Variants in DENND1A observed in about 807,000 individuals in gnomAD.
DENND1A encodes DENN domain containing 1A, also known as DENN domain-containing protein 1A.
In DENND1A, 51 loss-of-function variants were observed where a neutral mutation model predicts 113.7. The ratio of observed to expected loss-of-function variants is 0.45; its 90% confidence interval spans 0.36 to 0.57. The LOEUF (loss-of-function observed/expected upper bound fraction) is 0.57, where lower values mean the gene tolerates loss of function less well. Among genes scored for constraint, DENND1A ranks in the 20% least tolerant of loss-of-function variants. DENND1A has a pLI of 0.00. For missense variants in DENND1A, 1,258 were observed against 1,395.9 expected, an observed-to-expected ratio of 0.90 and a Z score of 1.57; for synonymous variants, 565 against 570.8, an observed-to-expected ratio of 0.99 and a Z score of 0.14.
At chr9:123,534,004 G>T (rs563373536) in intron 13 of DENND1A, among the ~76,000 whole-genome samples, 2 of 152,280 alleles carry the variant, frequency 1.3e-5, no homozygotes, top group South Asian at 4.1e-4. Context: ...TGAAAGACAA[G>T]ATTTGGAAAT....
chr9:123,504,220 G>A (rs1308233866), intron 13 of DENND1A, among the ~76,000 whole-genome samples: 2 of 152,082 alleles, frequency 1.3e-5, no homozygotes, highest in African/African-American at 2.4e-5. Context: ...AACTGCACTC[G>A]CCCTTCGAGG....
chr9:123,587,819 G>C (rs1377026826), intron 11 of DENND1A, among the ~76,000 whole-genome samples: 1 of 152,014 alleles, frequency 6.6e-6, no homozygotes, highest in African/African-American at 2.4e-5. Flanking sequence ...ATAGTTTCAG[G>C]GGGTCTCCCT....
intron 2 of DENND1A, among the ~76,000 whole-genome samples, chr9:123,802,940 G>A (rs142628004): frequency 0.018 from 2,792 of 152,270 alleles, 35 homozygotes; most frequent in Middle Eastern, 0.034. Context: ...AACCTCAGGT[G>A]ATCTGCCCTC....
At chr9:123,869,096 T>A (rs1846167663) in intron 2 of DENND1A, among the ~76,000 whole-genome samples, 1 of 152,242 alleles carries the variant, frequency 6.6e-6, no homozygotes. Flanking sequence ...TACATACATA[T>A]GCATTATATA....
chr9:123,714,108 C>T (rs2066814196), intron 5 of DENND1A, among the ~76,000 whole-genome samples: 1 of 152,204 alleles, frequency 6.6e-6, no homozygotes, highest in Non-Finnish European at 1.5e-5. Context: ...AAAGCAGTGG[C>T]ATTTTATGCT....
At chr9:123,801,813 C>T (rs1344655931) in intron 2 of DENND1A, among the ~76,000 whole-genome samples, 1 of 152,150 alleles carries the variant, frequency 6.6e-6, no homozygotes, top group African/African-American at 2.4e-5. Context: ...AAATATAAAT[C>T]CCTAAACCTG....
At chr9:123,473,336 G>A (rs918161159) in intron 13 of DENND1A, among the ~76,000 whole-genome samples, 3 of 152,260 alleles carry the variant, frequency 2.0e-5, no homozygotes, top group East Asian at 1.9e-4. Flanking sequence ...AGGGGAGGGC[G>A]GAGGGAGACA....
intron 13 of DENND1A, among the ~76,000 whole-genome samples, chr9:123,536,060 T>C (rs1376726986): frequency 1.3e-5 from 2 of 152,262 alleles, no homozygotes; most frequent in South Asian, 2.1e-4. Flanking sequence ...ACCTCAAATA[T>C]GTGCAATAGT....
At chr9:123,647,024 T>C (rs1344052382) in intron 9 of DENND1A, among the ~76,000 whole-genome samples, 3 of 152,190 alleles carry the variant, frequency 2.0e-5, no homozygotes, top group South Asian at 2.1e-4. Flanking sequence ...ACTGCTTCAC[T>C]GTCTTCTGGT....
intron 19 of DENND1A, among the ~76,000 whole-genome samples, chr9:123,427,907 T>C (rs1335579802): frequency 6.6e-6 from 1 of 152,208 alleles, no homozygotes; most frequent in African/African-American, 2.4e-5. Context: ...CTGTTGGTCT[T>C]GCACCTGGAA....
chr9:123,581,503 C>T (rs545735314), intron 12 of DENND1A, among the ~76,000 whole-genome samples: 13 of 151,982 alleles, frequency 8.6e-5, no homozygotes, highest in East Asian at 3.9e-4. Context: ...CATGTGCCTA[C>T]GGTCCCAGCT....
At chr9:123,521,730 C>T (rs2135036407) in intron 13 of DENND1A, among the ~76,000 whole-genome samples, 1 of 152,306 alleles carries the variant, frequency 6.6e-6, no homozygotes, top group Non-Finnish European at 1.5e-5. Flanking sequence ...GAATCCGTCA[C>T]AGTGATTGTA....
At chr9:123,488,723 C>A (rs1348924395) in intron 13 of DENND1A, among the ~76,000 whole-genome samples, 1 of 152,136 alleles carries the variant, frequency 6.6e-6, no homozygotes, top group Non-Finnish European at 1.5e-5. Flanking sequence ...AGCATTAAAG[C>A]GAGACGTTAA....
At chr9:123,863,733 A>G (rs1845405256) in intron 2 of DENND1A, among the ~76,000 whole-genome samples, 1 of 152,224 alleles carries the variant, frequency 6.6e-6, no homozygotes, top group African/African-American at 2.4e-5. Context: ...GGCACATTGC[A>G]TAGCAAAGCT....
chr9:123,607,543 A>AGTGTGT (rs1270262038), intron 11 of DENND1A, among the ~76,000 whole-genome samples: 2 of 123,530 alleles, frequency 1.6e-5, no homozygotes, highest in African/African-American at 6.2e-5. Flanking sequence ...AGAGAGAGAG[A>AGTGTGT]GAGAGTGTGT....
At chr9:123,856,167 T>C (rs374971521) in intron 2 of DENND1A, among the ~76,000 whole-genome samples, 4 of 152,224 alleles carry the variant, frequency 2.6e-5, no homozygotes, top group African/African-American at 7.2e-5. Flanking sequence ...AATTAGACTT[T>C]ACTTTCTCTT....
chr9:123,476,449 G>A (rs971285380), intron 13 of DENND1A, among the ~76,000 whole-genome samples: 1 of 152,108 alleles, frequency 6.6e-6, no homozygotes, highest in South Asian at 2.1e-4. Flanking sequence ...GTGTCTTCCT[G>A]AGCATGCTCC....
At position 123,731,170 on chromosome 9, in the gene DENND1A, G is replaced by A. The variant is rs1032233453; in HGVS notation, c.302+26533C>T. Among the ~76,000 whole-genome samples, 3 of 152,196 alleles carry A rather than the reference G, an allele frequency of 2.0e-5. No individual in the cohort carries two copies. In the East Asian group the frequency reaches 5.8e-4, roughly 29 times the overall value. On this transcript the variant is annotated intron_variant, in intron 5 of 23. Coordinates refer to ENST00000394215, the MANE Select transcript of DENND1A (RefSeq NM_001352964.2). Reference sequence around the variant, plus strand: ...TACCTAATGTAGATGACGGGTTGATGGGTGCAGCAAACCACCATGGCACGT... The same window carrying A: ...TACCTAATGTAGATGACGGGTTGATAGGTGCAGCAAACCACCATGGCACGT...
At chr9:123,684,634 G>C (rs2064691063) in intron 5 of DENND1A, among the ~76,000 whole-genome samples, 1 of 152,192 alleles carries the variant, frequency 6.6e-6, no homozygotes, top group African/African-American at 2.4e-5. Context: ...ATCTTCCTGA[G>C]ATAACCACAT....
Sources: gnomAD v4.1 joint callset for allele counts (sites outside exome capture counted in the v4.1 genomes callset) on GRCh38, gnomAD v4.1.1 for gene constraint, MANE v1.5 for transcripts, NCBI Gene and HGNC (gene_info 2026-07-23, HGNC 2026-07-21) for gene names.